The following BSPRY variants were observed in gnomAD, a reference collection of about 807,000 sequenced individuals.
BSPRY encodes B-box and SPRY domain containing, also known as B box and SPRY domain-containing protein.
Under a neutral mutation model 38.0 loss-of-function variants are expected in BSPRY, and 33 were observed. The observed-to-expected ratio is 0.87, with a 90% CI of 0.66 to 1.16. The LOEUF (loss-of-function observed/expected upper bound fraction) is 1.16. BSPRY is among the 50% of genes most tolerant of loss of function. The pLI is 0.00. For missense variants in BSPRY, 523 were observed against 533.2 expected, an observed-to-expected ratio of 0.98 and a Z score of 0.19; for synonymous variants, 224 against 228.5, an observed-to-expected ratio of 0.98 and a Z score of 0.18.
chr9:113,351,782 C>CT (rs200675169), intron 1 of BSPRY, among the ~76,000 whole-genome samples: 127 of 151,606 alleles, frequency 8.4e-4, no homozygotes, highest in African/African-American at 1.5e-3. Flanking sequence ...TTTCTCTTTC[C>CT]TTTTTTTTTA....
chr9:113,364,328 T>G (rs1361165521), intron 4 of BSPRY, among the ~76,000 whole-genome samples: 5 of 152,242 alleles, frequency 3.3e-5, no homozygotes, highest in Non-Finnish European at 7.3e-5. Context: ...AATATTGCAG[T>G]GTAGACGGAT....
At chr9:113,367,532 TGA>T (rs1365694218) in intron 4 of BSPRY, among the ~76,000 whole-genome samples, 3 of 152,152 alleles carry the variant, frequency 2.0e-5, no homozygotes, top group Admixed American at 1.3e-4. Flanking sequence ...CCAACAGGTC[TGA>T]GAGGGAGGTG....
chr9:113,362,418 A>C, intron 4 of BSPRY, 24 bp downstream of exon 4: 1 of 1,613,280 alleles, frequency 6.2e-7, no homozygotes, highest in East Asian at 2.2e-5. Context: ...CCGTGATTTG[A>C]CTGGGTAGTC....
intron 5 of BSPRY, among the ~76,000 whole-genome samples, chr9:113,368,945 G>A (rs1834295228): frequency 2.6e-5 from 4 of 151,932 alleles, no homozygotes; most frequent in Admixed American, 2.6e-4. Flanking sequence ...TTCTCCCAAT[G>A]GTAGTCTTTC....
At chr9:113,359,895 T>A (rs900462278) in intron 2 of BSPRY, among the ~76,000 whole-genome samples, 2 of 151,856 alleles carry the variant, frequency 1.3e-5, no homozygotes, top group Non-Finnish European at 2.9e-5. Context: ...AAAAAAAAAA[T>A]TTCCCATTCA....
rs1260996057 is a variant in BSPRY at position 113,369,944 on chromosome 9, A to G, written c.1011A>G (p.Ser337=). 6.2e-7 allele frequency: 1 copy of G among 1,614,042 alleles called. No individual in the cohort carries two copies. The highest frequency in any genetic ancestry group is 2.2e-5 in the East Asian group (1 of 44,894). The change falls in exon 6 of 6, where the codon TCA becomes TCG. Residue 337 remains serine (S), a synonymous_variant. Transcript: ENST00000374183. ...GCTATGATCAGGAGTTTCGTTTCTC[A>G]CACAATGGGCAGCACGAGCCCCTGG... ...FSRYDQEFRF[S]HNGQHEPLGL...
chr9:113,369,490 C>T (rs1358096041), intron 5 of BSPRY, 126 bp from the exon 6 acceptor site: 22 of 975,218 alleles, frequency 2.3e-5, no homozygotes, highest in African/African-American at 3.3e-5. Context: ...AGACAAGGCT[C>T]AGAGAGAGTA....
chr9:113,364,255 T>C (rs1049721317), intron 4 of BSPRY, among the ~76,000 whole-genome samples: 4 of 152,222 alleles, frequency 2.6e-5, no homozygotes, highest in Admixed American at 1.3e-4. Flanking sequence ...CTTGTTAGGC[T>C]ATCTGGGACA....
chr9:113,369,998 T>G lies in BSPRY; in HGVS notation c.1065T>G (p.Gly355=), dbSNP rs1387196823. ...TGCTGCGGGGCCCAGCCCAGCTGGG[T>G]GTAGTGCTGGACTTGCAGGTTCAGG... ...LGLLRGPAQL[G]VVLDLQVQEL... is the part of the protein sequence containing the mutation. The change falls in exon 6 of 6, where the codon GGT becomes GGG. Residue 355 remains glycine (G), a synonymous_variant. Transcript: ENST00000374183. 6.2e-7 allele frequency: 1 copy of G among 1,614,104 alleles called. No homozygotes were observed. The highest frequency in any genetic ancestry group is 8.5e-7 in the Non-Finnish European group (1 of 1,180,022).
intron 5 of BSPRY, 64 bp from the exon 6 acceptor site, chr9:113,369,552 A>G: frequency 6.6e-7 from 1 of 1,513,744 alleles, no homozygotes; most frequent in Non-Finnish European, 8.9e-7. Context: ...ACCTTTTGCT[A>G]CCTGGCAGGA....
chr9:113,353,529 C>A (rs1482721885), intron 1 of BSPRY, among the ~76,000 whole-genome samples: 1 of 149,546 alleles, frequency 6.7e-6, no homozygotes, highest in African/African-American at 2.6e-5. Flanking sequence ...ATGGTGAAAC[C>A]CTGTCTCTAC....
At chr9:113,354,669 C>A (rs1226802643) in intron 2 of BSPRY, among the ~76,000 whole-genome samples, 2 of 152,120 alleles carry the variant, frequency 1.3e-5, no homozygotes, top group Admixed American at 6.6e-5. Context: ...TGAATATTCT[C>A]TGTGACAATC....
rs971699028 is a variant in BSPRY at position 113,369,858 on chromosome 9, C to T, written c.925C>T (p.Arg309Cys). The T allele has an allele frequency of 2.3e-5, 37 of 1,614,122 alleles. No homozygotes were observed. The highest frequency in any genetic ancestry group is 4.0e-5 in the African/African-American group (3 of 74,952). The change falls in exon 6 of 6, where the codon CGC (arginine) becomes TGC (cysteine). Residue 309 changes from arginine to cysteine, a missense_variant. Coordinates refer to ENST00000374183, the MANE Select transcript of BSPRY (RefSeq NM_017688.3). ...KVGVASGHLP[R>C]KGSGSDCRLG... ...GGGCGTGGCTTCAGGCCACCTGCCCCGCAAGGGTTCTGGCAGTGACTGCCG... is the reference window on the plus strand; with the variant it reads ...GGGCGTGGCTTCAGGCCACCTGCCCTGCAAGGGTTCTGGCAGTGACTGCCG...
intron 2 of BSPRY, among the ~76,000 whole-genome samples, chr9:113,356,672 C>T (rs4979237): frequency 0.34 from 50,957 of 152,024 alleles, 9,645 homozygotes; most frequent in South Asian, 0.45. Context: ...TGGCTAGATT[C>T]TGCATATATT....
chr9:113,361,258 G>A (rs72760060), intron 3 of BSPRY, among the ~76,000 whole-genome samples: 5 of 152,264 alleles, frequency 3.3e-5, no homozygotes, highest in Non-Finnish European at 7.4e-5. Context: ...TTGCAATGAG[G>A]TCTTGAATAA....
chr9:113,353,867 C>A (rs7025770), intron 1 of BSPRY, among the ~76,000 whole-genome samples: 83,056 of 151,990 alleles, frequency 0.55, 23,040 homozygotes, highest in South Asian at 0.64. Context: ...TGAGAATATT[C>A]ATAGAGCAAA....
chr9:113,354,154 A>G lies in BSPRY; in HGVS notation c.202-86A>G, dbSNP rs926517449. ...ATGACCATGGGAGTGGGTGGCTGAC[A>G]TGTGGTAACAGGAGAAAATCACTGG... On this transcript the variant is annotated intron_variant, in intron 1 of 5. Transcript: ENST00000374183. 18 of 889,482 alleles carry G rather than the reference A, an allele frequency of 2.0e-5. No homozygotes were observed. The African/African-American group carries it at 2.2e-4, about 11-fold the overall frequency. 55.1% of individuals were successfully genotyped at this position (889,482 alleles called of 1,614,324 possible).
chr9:113,357,759 A>G (rs1834083105), intron 2 of BSPRY, among the ~76,000 whole-genome samples: 1 of 150,918 alleles, frequency 6.6e-6, no homozygotes, highest in Admixed American at 6.6e-5. Context: ...CCCAGGCTGA[A>G]ATGCAGTGGC....
chr9:113,357,227 T>A (rs1296898545), intron 2 of BSPRY, among the ~76,000 whole-genome samples: 1 of 152,132 alleles, frequency 6.6e-6, no homozygotes, highest in Non-Finnish European at 1.5e-5. Flanking sequence ...GTGGGAGAGA[T>A]CACTGCTCTC....
Sources: gnomAD v4.1 joint callset for allele counts (sites outside exome capture counted in the v4.1 genomes callset) on GRCh38, gnomAD v4.1.1 for gene constraint, MANE v1.5 for transcripts, NCBI Gene and HGNC (gene_info 2026-07-23, HGNC 2026-07-21) for gene names.